The following WWC2 variants were observed in gnomAD, a reference collection of about 807,000 sequenced individuals.
The protein encoded by WWC2 is WW and C2 domain containing 2.
Under a neutral mutation model 138.5 loss-of-function variants are expected in WWC2, and 101 were observed. The observed-to-expected ratio is 0.73, with a 90% CI of 0.62 to 0.86. WWC2 has a LOEUF of 0.86. Ranked by LOEUF, WWC2 falls within the 40% of genes least tolerant of loss-of-function variation. WWC2 has a pLI of 0.00. For synonymous variants in WWC2, 558 were observed against 538.4 expected (o/e 1.04, Z -0.50); for missense variants, 1,420 against 1,419.4 (o/e 1.00, Z -0.01).
chr4:183,293,544 C>G (rs2111084563), intron 21 of WWC2, among the ~76,000 whole-genome samples: 1 of 152,234 alleles, frequency 6.6e-6, no homozygotes, highest in Non-Finnish European at 1.5e-5. Flanking sequence ...GAATCACTTT[C>G]TTTAAAATCA....
At chr4:183,280,308 G>A (rs1198722583) in intron 16 of WWC2, among the ~76,000 whole-genome samples, 1 of 124,252 alleles carries the variant, frequency 8.0e-6, no homozygotes, top group Non-Finnish European at 1.6e-5. Flanking sequence ...AATGGCAAAT[G>A]CCATGACAGG....
At chr4:183,234,705 T>C (rs1165733401) in intron 4 of WWC2, among the ~76,000 whole-genome samples, 1 of 152,168 alleles carries the variant, frequency 6.6e-6, no homozygotes, top group African/African-American at 2.4e-5. Flanking sequence ...ATGAAAACTG[T>C]ATCTAGTAGT....
chr4:183,267,300 C>T (rs1303418389), intron 14 of WWC2, among the ~76,000 whole-genome samples: 2 of 152,140 alleles, frequency 1.3e-5, no homozygotes, highest in Admixed American at 6.6e-5. Context: ...GAGCAGGCAT[C>T]ACATAGAAGT....
rs1474940642 is a variant in WWC2, at chr4:183,114,832, A to G, written c.131+15210A>G. On this transcript the variant is annotated intron_variant, in intron 1 of 22. Transcript: ENST00000403733. Reference sequence around the variant, plus strand: ...GTTGTTTGTTTGTTTGTTTTTGTTTATTTATTTTTGAGCCAGTCTCATTCT... The same window carrying G: ...GTTGTTTGTTTGTTTGTTTTTGTTTGTTTATTTTTGAGCCAGTCTCATTCT... Among the ~76,000 whole-genome samples, 7 of 151,752 alleles carry G rather than the reference A, an allele frequency of 4.6e-5. No individual in the cohort carries two copies. The East Asian group carries it at 1.4e-3, about 30-fold the overall frequency.
At chr4:183,271,043 C>T in intron 15 of WWC2, 37 bp from the exon 16 acceptor site, 7 of 1,436,162 alleles carry the variant, frequency 4.9e-6, no homozygotes, top group South Asian at 1.6e-5. Context: ...TTTTCTCTTC[C>T]TTATTTTTTT....
At chr4:183,308,640 A>G (rs80051706) in intron 21 of WWC2, among the ~76,000 whole-genome samples, 4,906 of 152,252 alleles carry the variant, frequency 0.032, 269 homozygotes, top group African/African-American at 0.11. Flanking sequence ...AGTCCTTTAT[A>G]TAATATGGTA....
At chr4:183,146,697 GC>G (rs1251131178) in intron 1 of WWC2, among the ~76,000 whole-genome samples, 3 of 152,178 alleles carry the variant, frequency 2.0e-5, no homozygotes, top group Non-Finnish European at 4.4e-5. Flanking sequence ...ACAGGGTGGG[GC>G]TGGGGCTGGG....
Position 183,197,354 on chromosome 4 carries a change from C to T in WWC2, c.241+3646C>T, listed in dbSNP as rs112167690. 3.9e-3 allele frequency among the ~76,000 whole-genome samples: 593 copies of T among 152,306 alleles called. 2 individuals carry two copies. The highest frequency in any genetic ancestry group is 5.5e-3 in the Non-Finnish European group (373 of 68,018). On this transcript the variant is annotated intron_variant, in intron 2 of 22. Coordinates refer to ENST00000403733, the MANE Select transcript of WWC2 (RefSeq NM_024949.6). ...CATTCCTGTGAAGTAGTTTAGGAAGCAAATGGTATTATCTTCTCAAACAGC... is the reference window on the plus strand; with the variant it reads ...CATTCCTGTGAAGTAGTTTAGGAAGTAAATGGTATTATCTTCTCAAACAGC...
Position 183,193,611 on chromosome 4 carries a change from C to A in WWC2, c.144C>A (p.Pro48=), listed in dbSNP as rs1735049648. Residue 48 remains proline (P), a synonymous_variant, in exon 2 of 23, where the codon CCC becomes CCA. Coordinates refer to ENST00000403733, the MANE Select transcript of WWC2 (RefSeq NM_024949.6). ...TGGTTTGTTGTAGGTTAACGAAGCC[C>A]TTGTCATTTGCTGATTGTGTTGGGG... ...WIDPRDRLTK[P]LSFADCVGDE... is the part of the protein sequence containing the mutation. 6.2e-7 allele frequency: 1 copy of A among 1,613,748 alleles called. No homozygotes were observed. The highest frequency in any genetic ancestry group is 1.3e-5 in the African/African-American group (1 of 74,950).
At chr4:183,165,032 AT>A (rs1454895860) in intron 1 of WWC2, among the ~76,000 whole-genome samples, 13 of 152,344 alleles carry the variant, frequency 8.5e-5, no homozygotes, top group Middle Eastern at 3.4e-3. Context: ...ATTAACAATC[AT>A]TACCTCTAGC....
Position 183,253,948 on chromosome 4 carries a change from A to C in WWC2, c.1145A>C (p.Glu382Ala), listed in dbSNP as rs1342628556. Residue 382 changes from glutamate to alanine, a missense_variant, in exon 9 of 23, where the codon GAA (glutamate) becomes GCA (alanine). Coordinates refer to ENST00000403733, the MANE Select transcript of WWC2 (RefSeq NM_024949.6). ...CTAGAAGCTGAAAGGCAGCGGCTGG[A>C]AGAAGAGTTGCTGTCTGTGAGGGGA... ...ERLEAERQRL[E>A]EELLSVRGTP... 12 of 1,613,714 alleles carry C rather than the reference A, an allele frequency of 7.4e-6. No individual in the cohort carries two copies. Among genetic ancestry groups the C allele is most frequent in the Non-Finnish European group, 1.0e-5 (12 of 1,179,854 alleles).
chr4:183,163,871 C>T (rs923284806), intron 1 of WWC2, among the ~76,000 whole-genome samples: 1 of 152,030 alleles, frequency 6.6e-6, no homozygotes. Context: ...AGAATTGAAT[C>T]ATCAAATAAG....
At position 183,253,899 on chromosome 4, in the gene WWC2, C is replaced by T. The variant is rs755418676; in HGVS notation, c.1096C>T (p.Arg366Cys). 53 of 1,613,718 alleles carry T rather than the reference C, an allele frequency of 3.3e-5. 2 individuals carry two copies. The South Asian group carries it at 4.7e-4, about 14-fold the overall frequency. Residue 366 changes from arginine (R) to cysteine (C), a missense_variant, in exon 9 of 23, where the codon CGT becomes TGT. Coordinates refer to ENST00000403733, the MANE Select transcript of WWC2 (RefSeq NM_024949.6). Reference sequence around the variant, plus strand: ...GCTTCAGTTCGTCACCCCACAGAAACGTACCCAAGATGAATTAGAACGCCT... The same window carrying T: ...GCTTCAGTTCGTCACCCCACAGAAATGTACCCAAGATGAATTAGAACGCCT... The part of the protein sequence containing the change: ...KELQFVTPQK[R>C]TQDELERLEA...
At chr4:183,112,047 A>C (rs1732254307) in intron 1 of WWC2, among the ~76,000 whole-genome samples, 1 of 152,166 alleles carries the variant, frequency 6.6e-6, no homozygotes, top group African/African-American at 2.4e-5. Flanking sequence ...TTTCTGCTAA[A>C]TGACATAGCT....
intron 1 of WWC2, among the ~76,000 whole-genome samples, chr4:183,181,229 C>CCT (rs1734623716): frequency 6.6e-6 from 1 of 152,142 alleles, no homozygotes; most frequent in Admixed American, 6.5e-5. Flanking sequence ...GTGAGCATTT[C>CCT]CTCTCTCTGG....
In WWC2 at chr4:183,282,857, A is replaced by G. The variant is rs142253469; in HGVS notation, c.2834A>G (p.Asn945Ser). 667 of 1,592,194 alleles carry G rather than the reference A, an allele frequency of 4.2e-4. No homozygotes were observed. Among genetic ancestry groups the G allele is most frequent in the Non-Finnish European group, 4.6e-4 (542 of 1,168,882 alleles). Residue 945 changes from asparagine to serine, a missense_variant, in exon 18 of 23, where the codon AAC becomes AGC. Coordinates refer to ENST00000403733, the MANE Select transcript of WWC2 (RefSeq NM_024949.6). ...GAAGACGGGAACAGGAAAGAAAGCA[A>G]CTGTGCCAAAGACCTCAGAAGTCAG... ...MNEDGNRKES[N>S]CAKDLRSQPP... is the part of the protein sequence containing the mutation.
intron 1 of WWC2, among the ~76,000 whole-genome samples, chr4:183,160,207 A>G (rs1472527423): frequency 6.6e-6 from 1 of 152,222 alleles, no homozygotes; most frequent in Admixed American, 6.5e-5. Context: ...TGTCACTGTT[A>G]ATCTGTTATT....
Position 183,253,817 on chromosome 4 carries a change from G to A in WWC2, c.1014G>A (p.Leu338=). ...KLDSEAWPGA[L]DIEKEKLMLI... ...ACAGTGAGGCCTGGCCTGGGGCACT[G>A]GATATTGAGAAGGAAAAACTGATGC... The change falls in exon 9 of 23, where the codon CTG becomes CTA. Residue 338 remains leucine (L), a synonymous_variant. Coordinates refer to ENST00000403733, the MANE Select transcript of WWC2 (RefSeq NM_024949.6). The A allele has an allele frequency of 6.2e-7, 1 of 1,613,634 alleles. No individual in the cohort carries two copies. The highest frequency in any genetic ancestry group is 8.5e-7 in the Non-Finnish European group (1 of 1,179,770).
chr4:183,177,896 G>T (rs909405038), intron 1 of WWC2, among the ~76,000 whole-genome samples: 1 of 152,062 alleles, frequency 6.6e-6, no homozygotes, highest in African/African-American at 2.4e-5. Context: ...TTCACATTCT[G>T]GAAGGCCTGT....
Sources: allele counts gnomAD v4.1 joint callset (sites outside exome capture counted in the v4.1 genomes callset), GRCh38; gene constraint gnomAD v4.1.1; transcripts MANE v1.5; gene names NCBI Gene and HGNC (gene_info 2026-07-23, HGNC 2026-07-21).